ARNT2: variants seen among roughly 807,000 people sequenced by gnomAD.
The protein encoded by ARNT2 is aryl hydrocarbon receptor nuclear translocator 2.
A neutral mutation model predicts 91.7 loss-of-function variants in ARNT2; 36 were observed. The observed-to-expected ratio is 0.39, with a 90% CI of 0.30 to 0.52. ARNT2 has a LOEUF of 0.52. Ranked by LOEUF, ARNT2 falls within the 20% of genes least tolerant of loss-of-function variation. The probability of loss-of-function intolerance (pLI) is 0.72; values close to 1 mark genes in which losing one functional copy is unlikely to be tolerated. For synonymous variants in ARNT2, 365 were observed against 347.1 expected (o/e 1.05, Z -0.57); for missense variants, 775 against 939.3 (o/e 0.83, Z 2.29).
chr15:80,519,387 C>A (rs2141432302), intron 8 of ARNT2, among the ~76,000 whole-genome samples: 1 of 152,242 alleles, frequency 6.6e-6, no homozygotes, highest in Middle Eastern at 3.4e-3. Context: ...TTTGATCAGC[C>A]TTTCACTGAA....
At chr15:80,513,721 C>CAAAAA (rs36113299) in intron 6 of ARNT2, among the ~76,000 whole-genome samples, 190 bp from the exon 7 acceptor site, 1,303 of 100,736 alleles carry the variant, frequency 0.013, 20 homozygotes, top group Non-Finnish European at 0.017. Flanking sequence ...TCTTCAGTCA[C>CAAAAA]AAAAAAAAAA....
intron 12 of ARNT2, among the ~76,000 whole-genome samples, chr15:80,565,147 A>G (rs1489640634): frequency 6.6e-6 from 1 of 151,708 alleles, no homozygotes; most frequent in Non-Finnish European, 1.5e-5. Flanking sequence ...TTGGTGTCAA[A>G]CTCCTGGACT....
Position 80,574,148 on chromosome 15 carries a change from G to C in ARNT2, c.1317G>C (p.Lys439Asn), listed in dbSNP as rs376625157. Residue 439 changes from lysine to asparagine, a missense_variant and splice_region_variant, in exon 13 of 19, where the codon AAG becomes AAC. Lys to Asn is a moderately conservative substitution (Grantham distance 94, BLOSUM62 0). Transcript: ENST00000303329. ...EYIICTNTNV[K>N]QLQQQQAELE... ...CCTCTGTTGTCTTCTTGTTTCACAG[G>C]CAACTTCAGCAACAGCAGGCAGAAT... 3 of 1,614,064 alleles carry C rather than the reference G, an allele frequency of 1.9e-6. No homozygotes were observed. The highest frequency in any genetic ancestry group is 2.5e-6 in the Non-Finnish European group (3 of 1,179,946).
At chr15:80,408,917 C>CT (rs1473968733) in intron 1 of ARNT2, among the ~76,000 whole-genome samples, 2 of 151,908 alleles carry the variant, frequency 1.3e-5, no homozygotes, top group East Asian at 3.9e-4. Context: ...TTAAAGGCTC[C>CT]TTTTTTAGGG....
intron 5 of ARNT2, among the ~76,000 whole-genome samples, chr15:80,493,258 C>T (rs79247193): frequency 0.015 from 2,252 of 151,448 alleles, 52 homozygotes; most frequent in African/African-American, 0.053. Context: ...ACTTGATCAC[C>T]TCTTAAAGGT....
At chr15:80,446,771 G>C (rs1443608665) in intron 1 of ARNT2, among the ~76,000 whole-genome samples, 2 of 152,182 alleles carry the variant, frequency 1.3e-5, no homozygotes, top group Non-Finnish European at 2.9e-5. Context: ...ATAAATCTTA[G>C]TTTAGGTAAA....
At position 80,440,938 on chromosome 15, in the gene ARNT2, A is replaced by T. The variant is rs528902975; in HGVS notation, c.32-9942A>T. Among the ~76,000 whole-genome samples, 5 of 152,360 alleles carry T rather than the reference A, an allele frequency of 3.3e-5. No individual in the cohort carries two copies. In the South Asian group the frequency reaches 8.3e-4, roughly 25 times the overall value. ...ATTTTCTGTACATTGTGCTATAAAAATGCTACCCCATGGAGGCCCTTTGGG... is the reference window on the plus strand; with the variant it reads ...ATTTTCTGTACATTGTGCTATAAAATTGCTACCCCATGGAGGCCCTTTGGG... On this transcript the variant is annotated intron_variant, in intron 1 of 18. Transcript: ENST00000303329.
chr15:80,473,388 CT>C (rs1056602236), intron 4 of ARNT2, among the ~76,000 whole-genome samples: 33 of 152,260 alleles, frequency 2.2e-4, no homozygotes, highest in Admixed American at 4.6e-4. Context: ...TCCCCACAGT[CT>C]TTGCAAACTG....
At chr15:80,423,212 C>T (rs1488754841) in intron 1 of ARNT2, among the ~76,000 whole-genome samples, 1 of 152,196 alleles carries the variant, frequency 6.6e-6, no homozygotes, top group Non-Finnish European at 1.5e-5. Context: ...TTTCGTGCAG[C>T]ACCTAATGGC....
chr15:80,448,540 A>G (rs1389539746), intron 1 of ARNT2, among the ~76,000 whole-genome samples: 3 of 152,216 alleles, frequency 2.0e-5, no homozygotes, highest in Non-Finnish European at 4.4e-5. Context: ...TGCCAAAACT[A>G]TCGGCATTTT....
intron 3 of ARNT2, among the ~76,000 whole-genome samples, chr15:80,468,077 G>C (rs995335450): frequency 2.6e-5 from 4 of 152,086 alleles, no homozygotes; most frequent in African/African-American, 9.7e-5. Context: ...AGCCCTGCCT[G>C]ATTACGCAGC....
intron 18 of ARNT2, among the ~76,000 whole-genome samples, chr15:80,593,148 A>G (rs1893310776): frequency 6.6e-6 from 1 of 152,222 alleles, no homozygotes; most frequent in Admixed American, 6.5e-5. Context: ...CTAACCATTC[A>G]GGGATTCGTC....
At chr15:80,499,042 T>A (rs1314921897) in intron 5 of ARNT2, among the ~76,000 whole-genome samples, 1 of 152,202 alleles carries the variant, frequency 6.6e-6, no homozygotes, top group African/African-American at 2.4e-5. Flanking sequence ...AGTTTCTTTG[T>A]GGGACAAATA....
intron 5 of ARNT2, among the ~76,000 whole-genome samples, chr15:80,477,686 G>A (rs1896827387): frequency 6.6e-6 from 1 of 151,982 alleles, no homozygotes; most frequent in Admixed American, 6.6e-5. Context: ...ACTAAATTAG[G>A]GCTCACCCAT....
At chr15:80,495,851 T>A (rs79518545) in intron 5 of ARNT2, among the ~76,000 whole-genome samples, 2,944 of 152,234 alleles carry the variant, frequency 0.019, 81 homozygotes, top group African/African-American at 0.066. Flanking sequence ...GGGCATCCTA[T>A]CCCTTGCAGC....
At chr15:80,570,763 CCTGT>C (rs5814029) in intron 12 of ARNT2, among the ~76,000 whole-genome samples, 12,702 of 152,152 alleles carry the variant, frequency 0.083, 1,607 homozygotes, top group African/African-American at 0.28. Flanking sequence ...CTTGCCCACG[CCTGT>C]CTTTCCCTGG....
chr15:80,507,883 C>T (rs1033725723), intron 5 of ARNT2, among the ~76,000 whole-genome samples: 4 of 152,118 alleles, frequency 2.6e-5, no homozygotes, highest in Non-Finnish European at 5.9e-5. Flanking sequence ...GGGAGAGAGC[C>T]AAATTGGAGT....
intron 8 of ARNT2, among the ~76,000 whole-genome samples, chr15:80,548,360 C>T (rs1221416784): frequency 2.0e-5 from 3 of 152,096 alleles, no homozygotes; most frequent in Non-Finnish European, 4.4e-5. Context: ...GAGACATTTC[C>T]ACTAAGATCA....
chr15:80,508,368 C>A, intron 6 of ARNT2, 110 bp downstream of exon 6: 1 of 1,004,668 alleles, frequency 1.0e-6, no homozygotes, highest in South Asian at 1.4e-5. Context: ...AACGTGGGTT[C>A]ACTCCAGGGA....
Sources: allele counts gnomAD v4.1 joint callset (sites outside exome capture counted in the v4.1 genomes callset), GRCh38; gene constraint gnomAD v4.1.1; transcripts MANE v1.5; gene names NCBI Gene and HGNC (gene_info 2026-07-23, HGNC 2026-07-21).